Variants in HDAC9 observed in about 807,000 individuals in gnomAD.
HDAC9 encodes MEF-2 interacting transcription repressor (MITR) protein.
In HDAC9, 41 loss-of-function variants were observed where a neutral mutation model predicts 139.4. The observed-to-expected ratio is 0.29, with a 90% CI of 0.23 to 0.38. HDAC9 has a LOEUF of 0.38. HDAC9 is among the 10% of genes least tolerant of loss of function. The pLI is 1.00. For missense variants in HDAC9, 1,147 were observed against 1,297.0 expected (o/e 0.88, Z 1.78); for synonymous variants, 517 against 476.2 (o/e 1.09, Z -1.12).
At chr7:18,522,722 G>A (rs1055056235) in intron 2 of HDAC9, among the ~76,000 whole-genome samples, 19 of 151,932 alleles carry the variant, frequency 1.3e-4, no homozygotes, top group African/African-American at 4.6e-4. Context: ...TTGAAATGGA[G>A]CCCATGATAT....
At chr7:18,802,032 T>A (rs184660674) in intron 17 of HDAC9, among the ~76,000 whole-genome samples, 3 of 151,866 alleles carry the variant, frequency 2.0e-5, no homozygotes, top group Admixed American at 6.5e-5. Flanking sequence ...AGATGTCATA[T>A]ATTTTATGAA....
chr7:18,310,859 A>G (rs145210390), intron 1 of HDAC9, among the ~76,000 whole-genome samples: 3,429 of 151,310 alleles, frequency 0.023, 54 homozygotes, highest in Middle Eastern at 0.037. Context: ...CTCTCTTACT[A>G]AATTGCTGAG....
intron 1 of HDAC9, 74 bp downstream of exon 1, chr7:18,496,097 C>G: frequency 7.1e-7 from 1 of 1,402,530 alleles, no homozygotes; most frequent in Non-Finnish European, 9.5e-7. Flanking sequence ...AAATCATTGT[C>G]GAAGTTGATC....
intron 12 of HDAC9, chr7:18,666,678 T>C: frequency 3.0e-6 from 4 of 1,323,522 alleles, no homozygotes; most frequent in South Asian, 4.3e-5. Context: ...GATCTCTATA[T>C]AGATATCAAT....
At chr7:18,693,772 T>C (rs996430649) in intron 12 of HDAC9, among the ~76,000 whole-genome samples, 1 of 152,158 alleles carries the variant, frequency 6.6e-6, no homozygotes, top group Non-Finnish European at 1.5e-5. Context: ...AATTAAAGAA[T>C]TGCTAAATAA....
intron 1 of HDAC9, among the ~76,000 whole-genome samples, chr7:18,093,384 T>C (rs1037413480): frequency 6.6e-6 from 1 of 152,180 alleles, no homozygotes; most frequent in Non-Finnish European, 1.5e-5. Flanking sequence ...TTACTCACAT[T>C]GAAGTGGATG....
chr7:18,417,887 G>C (rs1789232823), intron 1 of HDAC9, among the ~76,000 whole-genome samples: 1 of 152,116 alleles, frequency 6.6e-6, no homozygotes, highest in Non-Finnish European at 1.5e-5. Context: ...TTCTGTGCCT[G>C]TTCAGCCCTC....
chr7:18,961,371 G>C (rs963732272), intron 24 of HDAC9, among the ~76,000 whole-genome samples: 3 of 152,142 alleles, frequency 2.0e-5, no homozygotes, highest in African/African-American at 7.2e-5. Context: ...GACAGGGAGA[G>C]GATTAATAAT....
At chr7:18,869,781 G>A (rs1585190563) in intron 21 of HDAC9, among the ~76,000 whole-genome samples, 1 of 152,096 alleles carries the variant, frequency 6.6e-6, no homozygotes, top group Non-Finnish European at 1.5e-5. Flanking sequence ...CACCGGTTTA[G>A]AGAGTTTTCC....
intron 12 of HDAC9, among the ~76,000 whole-genome samples, chr7:18,672,046 A>G (rs1795705412): frequency 6.6e-6 from 1 of 152,004 alleles, no homozygotes; most frequent in African/African-American, 2.4e-5. Context: ...GTGAGAAGAT[A>G]TATTTTCATT....
At chr7:18,690,354 C>T (rs66859025) in intron 12 of HDAC9, among the ~76,000 whole-genome samples, 1 of 151,702 alleles carries the variant, frequency 6.6e-6, no homozygotes, top group East Asian at 1.9e-4. Flanking sequence ...TAGGTGTATA[C>T]GTATATTTTG....
chr7:18,835,330 A>G, intron 19 of HDAC9, 137 bp from the exon 20 acceptor site: 21 of 971,158 alleles, frequency 2.2e-5, no homozygotes, highest in Non-Finnish European at 3.1e-5. Flanking sequence ...AAAGGGAGAA[A>G]GAAAAGAGGA....
upstream of HDAC9, chr7:18,290,353 A>C (rs1213201273): frequency 2.4e-6 from 1 of 416,558 alleles, no homozygotes; most frequent in African/African-American, 2.1e-5. Flanking sequence ...ATCAGGTACT[A>C]TTTAACCAGT....
rs567379000 is a variant in HDAC9 at position 18,138,856 on chromosome 7, A to C, written c.-96-23373A>C. Among the ~76,000 whole-genome samples the C allele has an allele frequency of 5.3e-5, 8 of 152,232 alleles. No individual in the cohort carries two copies. The South Asian group carries it at 1.7e-3, about 32-fold the overall frequency. The stretch of plus-strand genomic sequence containing the variant: ...AAAGCCAAGTCTCTCAATTCAGAGT[A>C]CTGGATTCTCTTTATTATACCTTCC... On this transcript the variant is annotated intron_variant, in intron 1 of 12. Transcript: ENST00000417496.
At chr7:18,725,523 G>A (rs1267380489) in intron 12 of HDAC9, among the ~76,000 whole-genome samples, 1 of 152,150 alleles carries the variant, frequency 6.6e-6, no homozygotes, top group African/African-American at 2.4e-5. Flanking sequence ...AGGGCTTCAG[G>A]AAGAGAATTC....
rs371029945 is a variant in HDAC9, at chr7:18,800,936, T to C, written c.2322+7484T>C. 9.2e-5 allele frequency among the ~76,000 whole-genome samples: 14 copies of C among 152,306 alleles called. No homozygotes were observed. The South Asian group carries it at 1.7e-3, about 18-fold the overall frequency. ...AATTTTAGTGGCATCTTATTACAAT[T>C]ACATTCTCTGTTCTGATGTACAAAG... On this transcript the variant is annotated intron_variant, in intron 17 of 25. Transcript: ENST00000686413.
chr7:18,257,276 CGCTTGAGCTCA>C, intron 2 of HDAC9, among the ~76,000 whole-genome samples: 1 of 150,730 alleles, frequency 6.6e-6, no homozygotes, highest in South Asian at 2.1e-4. Context: ...GGAGGAGGAT[CGCTTGAGCTCA>C]GGAGGTGGAG....
intron 1 of HDAC9, among the ~76,000 whole-genome samples, chr7:18,371,870 CT>C (rs1784619920): frequency 6.6e-6 from 1 of 152,116 alleles, no homozygotes; most frequent in Admixed American, 6.5e-5. Flanking sequence ...CTTCAGAGAT[CT>C]TTTGACATTG....
chr7:18,285,332 A>G (rs968453031), intron 2 of HDAC9, among the ~76,000 whole-genome samples: 4 of 152,116 alleles, frequency 2.6e-5, no homozygotes, highest in African/African-American at 9.7e-5. Context: ...ATAATGACAT[A>G]ATTATACCAT....
Sources: gnomAD v4.1 joint callset for allele counts (sites outside exome capture counted in the v4.1 genomes callset) on GRCh38, gnomAD v4.1.1 for gene constraint, MANE v1.5 for transcripts, NCBI Gene and HGNC (gene_info 2026-07-23, HGNC 2026-07-21) for gene names.